SORL1-AS1: variants seen among roughly 807,000 people sequenced by gnomAD.
The protein encoded by SORL1-AS1 is lncRNA 51 A.
chr11:121,449,823 T>A (rs1860767185), exon 2 of SORL1-AS1: 1 of 152,202 alleles, frequency 6.6e-6, no homozygotes, highest in African/African-American at 2.4e-5. Context: ...ACCTTCTGAC[T>A]CAGAATTCAG....
chr11:121,452,416 G>T lies in SORL1-AS1; in HGVS notation n.339+259C>A. 6.6e-7 allele frequency: 1 copy of T among 1,523,302 alleles called. No individual in the cohort carries two copies. The highest frequency in any genetic ancestry group is 8.8e-7 in the Non-Finnish European group (1 of 1,138,496). The allele number at this position is 1,523,302 out of a possible 1,614,324, so 94.4% of individuals were successfully genotyped here. ...ACTGCTGCCGCCCGGAGCTCTCTGC[G>T]AAGTCTGGACGCAGAGGCTGCACGG... On this transcript the variant is annotated intron_variant and non_coding_transcript_variant, in intron 1 of 1. Transcript: ENST00000501964. The surrounding 1 kb of genome is among the most constrained non-coding windows in gnomAD (Gnocchi z 5.3).
chr11:121,447,019 C>A (rs1022826073), downstream of SORL1-AS1, among the ~76,000 whole-genome samples: 1 of 152,196 alleles, frequency 6.6e-6, no homozygotes, highest in Admixed American at 6.5e-5. Flanking sequence ...CGGGGATATT[C>A]AAATAATCTT....
chr11:121,447,118 C>G (rs1860734596), downstream of SORL1-AS1, among the ~76,000 whole-genome samples: 1 of 152,090 alleles, frequency 6.6e-6, no homozygotes, highest in South Asian at 2.1e-4. Context: ...TTCCTAGGGA[C>G]CCTCAGCAAC....
At chr11:121,447,691 C>T (rs1476021334) in exon 2 of SORL1-AS1, 1 of 152,094 alleles carries the variant, frequency 6.6e-6, no homozygotes, top group Non-Finnish European at 1.5e-5. Context: ...AATTCATCTC[C>T]TAGAAAAGTA....
At chr11:121,440,694 G>C in the SORL1-AS1 span, among the ~76,000 whole-genome samples, 1 of 152,132 alleles carries the variant, frequency 6.6e-6, no homozygotes, top group Non-Finnish European at 1.5e-5. Context: ...CCATACTCAG[G>C]AGGAAGGAGG....
downstream of SORL1-AS1, among the ~76,000 whole-genome samples, chr11:121,442,521 G>A (rs182103047): frequency 1.2e-4 from 18 of 151,812 alleles, no homozygotes; most frequent in African/African-American, 4.3e-4. Context: ...TGTGGTCCCA[G>A]CTACTCAGGA....
downstream of SORL1-AS1, among the ~76,000 whole-genome samples, chr11:121,446,555 AG>A (rs1860726544): frequency 6.6e-6 from 1 of 152,156 alleles, no homozygotes; most frequent in African/African-American, 2.4e-5. Flanking sequence ...GTTCGAGACC[AG>A]CCTGGGCAAC....
At chr11:121,439,259 T>G in the SORL1-AS1 span, among the ~76,000 whole-genome samples, 5 of 152,244 alleles carry the variant, frequency 3.3e-5, no homozygotes, top group East Asian at 9.7e-4. Context: ...TTTTTAAATT[T>G]TAACCATTCT....
Position 121,452,655 on chromosome 11 carries a change from C to T in SORL1-AS1, n.339+20G>A. On this transcript the variant is annotated intron_variant and non_coding_transcript_variant, in intron 1 of 1. Coordinates refer to ENST00000501964, the Ensembl canonical transcript of SORL1-AS1. This position sits in a 1 kb window ranked among gnomAD's most constrained non-coding sequence, Gnocchi z 5.3. Reference sequence around the variant, plus strand: ...CAACCCGCCTCCCTCCAGTTTTTTCCTCTCCCTGCACTTCCTCACCCCCGC... The same window carrying T: ...CAACCCGCCTCCCTCCAGTTTTTTCTTCTCCCTGCACTTCCTCACCCCCGC... 7.1e-7 allele frequency: 1 copy of T among 1,412,238 alleles called. No homozygotes were observed. Among genetic ancestry groups the T allele is most frequent in the Non-Finnish European group, 9.2e-7 (1 of 1,084,410 alleles). The allele number at this position is 1,412,238 out of a possible 1,614,324, so 87.5% of individuals were successfully genotyped here.
At position 121,450,393 on chromosome 11, in the gene SORL1-AS1, T is replaced by A. The variant is rs551050632; in HGVS notation, n.340-494A>T. On this transcript the variant is annotated intron_variant and non_coding_transcript_variant, in intron 1 of 1. Transcript: ENST00000501964. This position sits in a 1 kb window ranked among gnomAD's most constrained non-coding sequence, Gnocchi z 5.2. Reference sequence around the variant, plus strand: ...GCTGATCTAGATGAGGGGTGGGAGGTGACAGTGGTTCAGTGGCTTTCTTGG... The same window carrying A: ...GCTGATCTAGATGAGGGGTGGGAGGAGACAGTGGTTCAGTGGCTTTCTTGG... Among the ~76,000 whole-genome samples, 155 of 151,874 alleles carry A rather than the reference T, an allele frequency of 1.0e-3. No homozygotes were observed. Among genetic ancestry groups the A allele is most frequent in the African/African-American group, 3.6e-3 (147 of 41,364 alleles).
chr11:121,451,454 A>AGTG lies in SORL1-AS1; in HGVS notation n.339+1218_339+1220dup, dbSNP rs559377217. On this transcript the variant is annotated intron_variant and non_coding_transcript_variant, in intron 1 of 1. Transcript: ENST00000501964. ...TTTTACTGCTGAGGCAGGGTGGCTC[A>AGTG]GTGCTTGGTCACCTTGGAGGGATCA... Among the ~76,000 whole-genome samples the AGTG allele has an allele frequency of 3.2e-3, 493 of 152,344 alleles. 3 individuals carry two copies. Among genetic ancestry groups the AGTG allele is most frequent in the Non-Finnish European group, 5.1e-3 (349 of 68,028 alleles).
the SORL1-AS1 span, among the ~76,000 whole-genome samples, chr11:121,439,248 A>AT: frequency 6.6e-6 from 1 of 152,066 alleles, no homozygotes; most frequent in African/African-American, 2.4e-5. Flanking sequence ...TACTGTTAAA[A>AT]TTTTTAAATT....
At chr11:121,441,853 T>C in the SORL1-AS1 span, among the ~76,000 whole-genome samples, 15 of 152,184 alleles carry the variant, frequency 9.9e-5, no homozygotes, top group African/African-American at 3.4e-4. Context: ...TAAGCCACCA[T>C]TATTTTGGGT....
chr11:121,451,789 T>C (rs530246920), intron 1 of SORL1-AS1, among the ~76,000 whole-genome samples: 1 of 152,234 alleles, frequency 6.6e-6, no homozygotes, highest in South Asian at 2.1e-4. Context: ...TAGGAGCTAA[T>C]TCTGTGGCTC....
chr11:121,443,218 T>A (rs1860684333), downstream of SORL1-AS1, among the ~76,000 whole-genome samples: 2 of 152,182 alleles, frequency 1.3e-5, no homozygotes, highest in Non-Finnish European at 2.9e-5. Flanking sequence ...AAAAATCACT[T>A]GTATTGATTG....
At chr11:121,445,667 C>T (rs1477979255), downstream of SORL1-AS1, among the ~76,000 whole-genome samples, 3 of 151,864 alleles carry the variant, frequency 2.0e-5, no homozygotes, top group Non-Finnish European at 4.4e-5. Flanking sequence ...CTGCTTGTCC[C>T]GTTCCAACTT....
the SORL1-AS1 span, among the ~76,000 whole-genome samples, chr11:121,439,599 TA>T: frequency 6.6e-6 from 1 of 151,996 alleles, no homozygotes; most frequent in Non-Finnish European, 1.5e-5. Flanking sequence ...GCTTTGTCGG[TA>T]AAATAAAAAT....
At chr11:121,440,373 C>T in the SORL1-AS1 span, among the ~76,000 whole-genome samples, 1 of 152,090 alleles carries the variant, frequency 6.6e-6, no homozygotes, top group African/African-American at 2.4e-5. Flanking sequence ...GACCCTGTCT[C>T]TAAATAAATA....
chr11:121,445,217 A>G (rs550472983), downstream of SORL1-AS1, among the ~76,000 whole-genome samples: 1 of 152,182 alleles, frequency 6.6e-6, no homozygotes, highest in African/African-American at 2.4e-5. Flanking sequence ...ATGGATTTAG[A>G]GAAGGCGCAC....
Sources: gnomAD v4.1 joint callset for allele counts (sites outside exome capture counted in the v4.1 genomes callset) on GRCh38, gnomAD v4.1.1 for gene constraint, Gnocchi (gnomAD v3.1) non-coding constraint, MANE v1.5 for transcripts, NCBI Gene and HGNC (gene_info 2026-07-23, HGNC 2026-07-21) for gene names.